Variants in VAV3 observed in about 807,000 individuals in gnomAD.
VAV3 encodes guanine nucleotide exchange factor VAV3.
A neutral mutation model predicts 131.2 loss-of-function variants in VAV3; 94 were observed. The ratio of observed to expected loss-of-function variants is 0.72; its 90% CI spans 0.61 to 0.85. VAV3 has a LOEUF of 0.85. Ranked by LOEUF, VAV3 falls within the 40% of genes least tolerant of loss-of-function variation. The pLI is 0.00. For missense variants in VAV3, 939 were observed against 1,002.7 expected, an observed-to-expected ratio of 0.94 and a Z score of 0.86; for synonymous variants, 349 against 342.0, an observed-to-expected ratio of 1.02 and a Z score of -0.22.
At chr1:107,840,553 C>A (rs1270329625) in intron 2 of VAV3, among the ~76,000 whole-genome samples, 2 of 152,150 alleles carry the variant, frequency 1.3e-5, no homozygotes, top group Non-Finnish European at 2.9e-5. Context: ...GCTTTGATGA[C>A]ATTTCATTGT....
intron 25 of VAV3, among the ~76,000 whole-genome samples, chr1:107,574,984 TGTGTGTGTGCGTGCGTGCGC>T (rs1398534516): frequency 3.0e-4 from 9 of 30,294 alleles, no homozygotes; most frequent in Non-Finnish European, 6.2e-4. Context: ...TGTGTGTGTG[TGTGTGTGTGCGTGCGTGCGC>T]GCGCGCGCGC....
chr1:107,712,618 T>G (rs1484183200), intron 15 of VAV3, among the ~76,000 whole-genome samples: 1 of 152,184 alleles, frequency 6.6e-6, no homozygotes, highest in Non-Finnish European at 1.5e-5. Context: ...GTGCAAGGAC[T>G]TGGTATGTGA....
chr1:107,853,425 ATG>A (rs1464523120), intron 2 of VAV3, among the ~76,000 whole-genome samples: 1 of 152,134 alleles, frequency 6.6e-6, no homozygotes, highest in Non-Finnish European at 1.5e-5. Flanking sequence ...CATAAATAAT[ATG>A]TGTTTTGTCA....
At chr1:107,832,989 T>C (rs1295560975) in intron 2 of VAV3, among the ~76,000 whole-genome samples, 1 of 152,140 alleles carries the variant, frequency 6.6e-6, no homozygotes, top group African/African-American at 2.4e-5. Context: ...GAAAATCTAA[T>C]GAGAAATACA....
chr1:107,669,310 T>C (rs886304747), intron 19 of VAV3: 38 of 1,289,378 alleles, frequency 2.9e-5, no homozygotes, highest in Admixed American at 2.8e-4. Context: ...CTACCCAGTA[T>C]TGTTGCTGGA....
In VAV3 at chr1:107,779,502, G is replaced by A. The variant is rs1352479665; in HGVS notation, c.322-10C>T. ...ATAATGTTTCTATAACCTGAGAAAA[G>A]AGGAAAATACTAATTAGATATGTAG... On this transcript the variant is annotated splice_polypyrimidine_tract_variant and intron_variant, in intron 2 of 26. Coordinates refer to ENST00000370056, the MANE Select transcript of VAV3 (RefSeq NM_006113.5). The A allele has an allele frequency of 1.9e-6, 3 of 1,571,018 alleles. No homozygotes were observed. Among genetic ancestry groups the A allele is most frequent in the Non-Finnish European group, 2.6e-6 (3 of 1,158,848 alleles).
At chr1:107,608,524 A>C (rs988923254) in intron 22 of VAV3, among the ~76,000 whole-genome samples, 1 of 152,200 alleles carries the variant, frequency 6.6e-6, no homozygotes, top group African/African-American at 2.4e-5. Flanking sequence ...AATTGTCTTC[A>C]ATCAGGTAAA....
intron 11 of VAV3, 23 bp from the exon 12 acceptor site, chr1:107,755,536 G>T: frequency 1.3e-6 from 2 of 1,547,818 alleles, no homozygotes; most frequent in East Asian, 4.5e-5. Flanking sequence ...GAAAAGGGTA[G>T]AAAAAGAAGG....
chr1:107,644,833 C>T (rs1238236889), intron 19 of VAV3, among the ~76,000 whole-genome samples: 1 of 151,944 alleles, frequency 6.6e-6, no homozygotes, highest in Non-Finnish European at 1.5e-5. Context: ...ATATGTCTTT[C>T]TGTAGATGGA....
At chr1:107,823,754 G>A (rs1667897558) in intron 2 of VAV3, among the ~76,000 whole-genome samples, 1 of 152,178 alleles carries the variant, frequency 6.6e-6, no homozygotes, top group Non-Finnish European at 1.5e-5. Flanking sequence ...GGTCATAAGG[G>A]TGAGGCCCTG....
chr1:107,723,950 C>A (rs1213655319), intron 15 of VAV3, among the ~76,000 whole-genome samples: 1 of 152,066 alleles, frequency 6.6e-6, no homozygotes, highest in Non-Finnish European at 1.5e-5. Flanking sequence ...TTTGAGGTAG[C>A]TATTATGTCT....
At chr1:107,831,793 T>C (rs1221526002) in intron 2 of VAV3, among the ~76,000 whole-genome samples, 1 of 152,250 alleles carries the variant, frequency 6.6e-6, no homozygotes, top group Non-Finnish European at 1.5e-5. Context: ...ACTTAATAGC[T>C]TTACATTCGT....
intron 2 of VAV3, among the ~76,000 whole-genome samples, chr1:107,813,604 G>T (rs1207932410): frequency 6.6e-6 from 1 of 152,108 alleles, no homozygotes; most frequent in Non-Finnish European, 1.5e-5. Flanking sequence ...ATTTCTATGT[G>T]TTGGAACATT....
intron 20 of VAV3, among the ~76,000 whole-genome samples, chr1:107,641,208 C>T (rs1570667256): frequency 6.6e-6 from 1 of 152,080 alleles, no homozygotes; most frequent in Non-Finnish European, 1.5e-5. Flanking sequence ...TAGAGACAAA[C>T]GTTCAATCTT....
chr1:107,599,972 A>AACCTTCAC (rs1271270746), intron 24 of VAV3, among the ~76,000 whole-genome samples: 1 of 151,950 alleles, frequency 6.6e-6, no homozygotes, highest in Non-Finnish European at 1.5e-5. Context: ...GATTTTGAGA[A>AACCTTCAC]ACCTTCACAC....
At chr1:107,904,510 C>T (rs920445494) in intron 1 of VAV3, among the ~76,000 whole-genome samples, 4 of 152,158 alleles carry the variant, frequency 2.6e-5, no homozygotes, top group African/African-American at 9.7e-5. Flanking sequence ...CATGTTTCTG[C>T]ACTGTGGTCA....
chr1:107,771,713 T>C (rs1665059034), intron 5 of VAV3, among the ~76,000 whole-genome samples: 1 of 152,248 alleles, frequency 6.6e-6, no homozygotes, highest in South Asian at 2.1e-4. Flanking sequence ...AGAAGAGTCC[T>C]ACCCATCTAA....
intron 2 of VAV3, among the ~76,000 whole-genome samples, chr1:107,824,143 T>A (rs4630150): frequency 0.28 from 42,216 of 151,962 alleles, 6,888 homozygotes; most frequent in Non-Finnish European, 0.37. Context: ...TGTCCCAGTA[T>A]ACAGAATATA....
chr1:107,783,183 A>C (rs573475312), intron 2 of VAV3, among the ~76,000 whole-genome samples: 3 of 152,324 alleles, frequency 2.0e-5, no homozygotes, highest in African/African-American at 7.2e-5. Flanking sequence ...AATCTGCTTT[A>C]GAAGGGTGGC....
Sources: allele counts gnomAD v4.1 joint callset (sites outside exome capture counted in the v4.1 genomes callset), GRCh38; gene constraint gnomAD v4.1.1; transcripts MANE v1.5; gene names NCBI Gene and HGNC (gene_info 2026-07-23, HGNC 2026-07-21).